The following CPED1 variants were observed in gnomAD, a reference collection of about 807,000 sequenced individuals.
CPED1 encodes cadherin-like and PC-esterase domain-containing protein 1.
In CPED1, 114 loss-of-function variants were observed where a neutral mutation model predicts 128.2. That is an observed-to-expected ratio of 0.89 (90% CI 0.76 to 1.04). The LOEUF is 1.04. CPED1 is among the 50% of genes least tolerant of loss of function. CPED1 has a pLI of 0.00. For missense variants in CPED1, 1,211 were observed against 1,207.1 expected, an observed-to-expected ratio of 1.00 and a Z score of -0.05; for synonymous variants, 462 against 426.7, an observed-to-expected ratio of 1.08 and a Z score of -1.02.
intron 22 of CPED1, among the ~76,000 whole-genome samples, chr7:121,285,172 A>G (rs1413675117): frequency 2.0e-5 from 3 of 152,126 alleles, no homozygotes; most frequent in African/African-American, 4.8e-5. Flanking sequence ...TAATGACCTG[A>G]GTTGTGTATT....
intron 7 of CPED1, among the ~76,000 whole-genome samples, chr7:121,114,854 TA>T (rs930175815): frequency 6.6e-6 from 1 of 152,224 alleles, no homozygotes; most frequent in Non-Finnish European, 1.5e-5. Flanking sequence ...ACTTTTGTAG[TA>T]AAAAAGGATA....
chr7:121,015,065 C>G (rs977993060), intron 2 of CPED1, among the ~76,000 whole-genome samples: 2 of 152,154 alleles, frequency 1.3e-5, no homozygotes, highest in Non-Finnish European at 2.9e-5. Flanking sequence ...GAGGGAATAA[C>G]GTAGAATTAT....
chr7:121,104,790 T>A (rs1457628329), intron 7 of CPED1, among the ~76,000 whole-genome samples: 1 of 152,126 alleles, frequency 6.6e-6, no homozygotes, highest in African/African-American at 2.4e-5. Flanking sequence ...ATTAAAAAAA[T>A]TTTAACTGCA....
At chr7:121,019,673 C>T (rs1792387592) in intron 3 of CPED1, among the ~76,000 whole-genome samples, 1 of 151,986 alleles carries the variant, frequency 6.6e-6, no homozygotes, top group Non-Finnish European at 1.5e-5. Flanking sequence ...ATTTTGAGAA[C>T]AGTATGAGAA....
At chr7:121,078,892 C>G (rs1183667232) in intron 5 of CPED1, among the ~76,000 whole-genome samples, 1 of 152,194 alleles carries the variant, frequency 6.6e-6, no homozygotes, top group Non-Finnish European at 1.5e-5. Context: ...TTCCACAGTT[C>G]TGGAGGCTGG....
At chr7:121,249,740 G>A (rs1266688386) in intron 18 of CPED1, among the ~76,000 whole-genome samples, 1 of 152,052 alleles carries the variant, frequency 6.6e-6, no homozygotes. Flanking sequence ...TTACATAATG[G>A]TAAAGGGATC....
intron 3 of CPED1, 123 bp from the exon 4 acceptor site, chr7:121,046,764 T>G (rs570484411): frequency 1.8e-5 from 11 of 618,120 alleles, no homozygotes; most frequent in Middle Eastern, 7.5e-4. Context: ...CTTAAGTATA[T>G]TTGAGATCAT....
At chr7:121,022,533 G>C (rs767845330) in intron 3 of CPED1, among the ~76,000 whole-genome samples, 1 of 151,866 alleles carries the variant, frequency 6.6e-6, no homozygotes, top group Admixed American at 6.6e-5. Context: ...TACATATTCA[G>C]TTATAGGTGC....
intron 5 of CPED1, among the ~76,000 whole-genome samples, chr7:121,084,415 G>T (rs983250778): frequency 1.3e-5 from 2 of 152,130 alleles, no homozygotes; most frequent in Admixed American, 6.6e-5. Flanking sequence ...ACACCATAGG[G>T]TGTAATGAAA....
intron 17 of CPED1, among the ~76,000 whole-genome samples, chr7:121,237,838 G>A (rs1798294874): frequency 6.6e-6 from 1 of 152,052 alleles, no homozygotes. Flanking sequence ...TAACAAACGT[G>A]GGCATGTCAC....
At chr7:121,002,609 T>C (rs1241134267) in intron 2 of CPED1, among the ~76,000 whole-genome samples, 2 of 152,172 alleles carry the variant, frequency 1.3e-5, no homozygotes, top group Admixed American at 6.6e-5. Context: ...GCAGAGTTAG[T>C]TTTCTTGTGG....
Position 121,036,226 on chromosome 7 carries a change from C to T in CPED1, c.434-10661C>T, listed in dbSNP as rs372221843. On this transcript the variant is annotated intron_variant, in intron 3 of 22. Coordinates refer to ENST00000310396, the MANE Select transcript of CPED1 (RefSeq NM_024913.5). ...CTGAGATTTTGGTGCACCCATCACC[C>T]AAGCAGTGTATACTGTACCCAATGC... Among the ~76,000 whole-genome samples, 5 of 152,098 alleles carry T rather than the reference C, an allele frequency of 3.3e-5. No individual in the cohort carries two copies. The South Asian group carries it at 6.2e-4, about 19-fold the overall frequency.
chr7:121,177,630 A>T (rs1796813563), intron 16 of CPED1, among the ~76,000 whole-genome samples: 1 of 152,106 alleles, frequency 6.6e-6, no homozygotes, highest in East Asian at 1.9e-4. Flanking sequence ...TTACACACAT[A>T]TAACAGTGCA....
intron 18 of CPED1, among the ~76,000 whole-genome samples, chr7:121,246,611 C>T (rs1032895345): frequency 2.6e-5 from 4 of 152,170 alleles, no homozygotes; most frequent in Non-Finnish European, 5.9e-5. Context: ...ACGTAATGAC[C>T]TCCCAAAGAC....
Position 121,296,602 on chromosome 7 carries a change from TTA to T in CPED1, c.*952_*953del, listed in dbSNP as rs1226679437. ...CATTTGCATATGTCCACAAATAGTA[TTA>T]TGTTACTAGTATCTATATTTTGATT... On this transcript the variant is annotated 3_prime_UTR_variant, in exon 23 of 23. Transcript: ENST00000310396. 2 of 152,166 alleles carry T rather than the reference TTA, an allele frequency of 1.3e-5. No individual in the cohort carries two copies. Among genetic ancestry groups the T allele is most frequent in the African/African-American group, 2.4e-5 (1 of 41,472 alleles). The allele number at this position is 152,166 out of a possible 1,614,324, so 9.4% of individuals were successfully genotyped here. A position where few individuals can be genotyped will look rare whatever the true frequency, so the allele number is the denominator to read the frequency against.
At chr7:121,257,074 G>A (rs1274221258) in intron 18 of CPED1, among the ~76,000 whole-genome samples, 5 of 152,020 alleles carry the variant, frequency 3.3e-5, no homozygotes, top group East Asian at 1.9e-4. Flanking sequence ...TACTGGGGAC[G>A]AAAGGGAGGG....
intron 16 of CPED1, among the ~76,000 whole-genome samples, chr7:121,227,271 T>C (rs1174927429): frequency 1.3e-5 from 2 of 152,040 alleles, no homozygotes; most frequent in African/African-American, 2.4e-5. Context: ...TTTCTTCTCC[T>C]TCCATTGATC....
chr7:121,054,063 T>A (rs1793428377), intron 4 of CPED1, among the ~76,000 whole-genome samples: 2 of 152,202 alleles, frequency 1.3e-5, no homozygotes, highest in Non-Finnish European at 2.9e-5. Flanking sequence ...AGGAACCCCA[T>A]TCCTGTTATT....
At chr7:121,221,248 A>G (rs980757152) in intron 16 of CPED1, among the ~76,000 whole-genome samples, 3 of 152,124 alleles carry the variant, frequency 2.0e-5, no homozygotes, top group East Asian at 1.9e-4. Flanking sequence ...TTTACTCAGA[A>G]TGACGGTTTC....
Sources: gnomAD v4.1 joint callset for allele counts (sites outside exome capture counted in the v4.1 genomes callset) on GRCh38, gnomAD v4.1.1 for gene constraint, MANE v1.5 for transcripts, NCBI Gene and HGNC (gene_info 2026-07-23, HGNC 2026-07-21) for gene names.